The following GAK variants were observed in gnomAD, a reference collection of about 807,000 sequenced individuals.
GAK encodes the protein cyclin-G-associated kinase.
GAK carries 79 observed loss-of-function variants against 143.9 expected under a neutral mutation model. The ratio of observed to expected loss-of-function variants is 0.55; its 90% CI spans 0.46 to 0.66. GAK has a LOEUF of 0.66. Among genes scored for constraint, GAK ranks in the 30% least tolerant of loss-of-function variants. The probability of loss-of-function intolerance (pLI) is 0.00; values close to 1 mark genes in which losing one functional copy is unlikely to be tolerated. For synonymous variants in GAK, 881 were observed against 765.5 expected (o/e 1.15, Z -2.49); for missense variants, 1,693 against 1,779.7 (o/e 0.95, Z 0.88).
At chr4:865,843 C>T (rs938328126) in intron 22 of GAK, among the ~76,000 whole-genome samples, 4 of 152,250 alleles carry the variant, frequency 2.6e-5, no homozygotes, top group East Asian at 3.9e-4. Flanking sequence ...ACTGGAGGGG[C>T]GCGCAGCCCT....
intron 4 of GAK, among the ~76,000 whole-genome samples, chr4:910,378 C>T (rs1450645913): frequency 1.4e-5 from 2 of 138,448 alleles, no homozygotes; most frequent in Admixed American, 7.3e-5. Flanking sequence ...CCACAAAGCA[C>T]GGGATGCCCC....
intron 6 of GAK, among the ~76,000 whole-genome samples, chr4:897,050 G>A (rs879812601): frequency 2.0e-5 from 3 of 152,258 alleles, no homozygotes; most frequent in Non-Finnish European, 2.9e-5. Flanking sequence ...ACTTGCGAGA[G>A]GCAGAGGCTG....
chr4:888,320 C>G (rs1716942148), intron 11 of GAK: 3 of 154,492 alleles, frequency 1.9e-5, no homozygotes, highest in African/African-American at 7.2e-5. Context: ...GGGCCGCACT[C>G]TGGAACATTC....
intron 18 of GAK, among the ~76,000 whole-genome samples, chr4:873,767 G>A (rs1713215876): frequency 6.6e-6 from 1 of 152,206 alleles, no homozygotes. Context: ...GCCTTGCTAG[G>A]TCTTCGTGTG....
chr4:883,335 G>C lies in GAK; in HGVS notation c.1384C>G (p.Pro462Ala). Residue 462 changes from proline (P) to alanine (A), a missense_variant, in exon 13 of 28, where the codon CCC (proline) becomes GCC (alanine). Around this residue, in one of 2 missense-constraint regions of GAK, gnomAD observed 871 missense variants for 991.0 expected, o/e 0.88. Transcript: ENST00000314167. ...VYNLSPRTYR[P>A]SRFHNRVSEC... The stretch of plus-strand genomic sequence containing the variant: ...CACACCCGGTTGTGGAACCTGGAGG[G>C]CCGGTAGGTCCTCGGGGACAGGTTG... 2.5e-6 allele frequency: 4 copies of C among 1,613,482 alleles called. No homozygotes were observed. Among genetic ancestry groups the C allele is most frequent in the South Asian group, 1.1e-5 (1 of 91,078 alleles).
chr4:870,573 C>T lies in GAK; in HGVS notation c.2248+138G>A, dbSNP rs1402096637. 3 of 798,614 alleles carry T rather than the reference C, an allele frequency of 3.8e-6. No individual in the cohort carries two copies. The Admixed American group carries it at 8.8e-5, about 23-fold the overall frequency. The allele number at this position is 798,614 out of a possible 1,614,324, so 49.5% of individuals were successfully genotyped here. A position where few individuals can be genotyped will look rare whatever the true frequency, so the allele number is the denominator to read the frequency against. On this transcript the variant is annotated intron_variant, in intron 19 of 27. Transcript: ENST00000314167. ...TCCACGACGGAGTTTCCAAAACCTC[C>T]TGCAGCCCAAGCTGCTCAGGGCCTG...
intron 1 of GAK, among the ~76,000 whole-genome samples, chr4:923,827 TTATATAAA>T (rs1445094180): frequency 6.6e-6 from 1 of 152,062 alleles, no homozygotes; most frequent in Non-Finnish European, 1.5e-5. Context: ...CTCACATAAA[TTATATAAA>T]TATATAAACA....
intron 23 of GAK, among the ~76,000 whole-genome samples, chr4:861,368 G>A (rs961171328): frequency 6.6e-6 from 1 of 152,166 alleles, no homozygotes; most frequent in Non-Finnish European, 1.5e-5. Flanking sequence ...AGGAAGGAGG[G>A]TGCTTGAGCC....
chr4:893,594 A>C, intron 8 of GAK, 105 bp from the exon 9 acceptor site: 1 of 796,024 alleles, frequency 1.3e-6, no homozygotes, highest in Non-Finnish European at 1.9e-6. Context: ...CCCTCTACAC[A>C]CATCAGTGAC....
chr4:870,140 G>A lies in GAK; in HGVS notation c.2248+571C>T, dbSNP rs1036972989. Among the ~76,000 whole-genome samples, 6 of 152,214 alleles carry A rather than the reference G, an allele frequency of 3.9e-5. No individual in the cohort carries two copies. The South Asian group carries it at 6.2e-4, about 16-fold the overall frequency. ...CCACCCACGGACACATACACAGCAC[G>A]CACAGGTCACACATACAGCCTCTTT... On this transcript the variant is annotated intron_variant, in intron 19 of 27. Transcript: ENST00000314167.
chr4:920,672 T>C (rs1723790780), intron 1 of GAK, among the ~76,000 whole-genome samples: 1 of 150,738 alleles, frequency 6.6e-6, no homozygotes, highest in African/African-American at 2.4e-5. Context: ...GCCTCCCAAG[T>C]AGCTGGGACT....
rs747516678 is a variant in GAK at position 889,002 on chromosome 4, G to C, written c.1082-32C>G. 26 of 1,596,702 alleles carry C rather than the reference G, an allele frequency of 1.6e-5. No individual in the cohort carries two copies. The South Asian group carries it at 2.9e-4, about 18-fold the overall frequency. ...GGAGACACAGTCTCAGCAGGCCCCA[G>C]GTGCTCGGTCCCACCTCCCCAGGTG... is the stretch of plus-strand genomic sequence containing the variant. On this transcript the variant is annotated intron_variant, in intron 10 of 27. Coordinates refer to ENST00000314167, the MANE Select transcript of GAK (RefSeq NM_005255.4).
rs925987885 is a variant in GAK at position 868,623 on chromosome 4, G to C, written c.2311C>G (p.Pro771Ala). The C allele has an allele frequency of 1.3e-5, 20 of 1,579,046 alleles. No homozygotes were observed. The highest frequency in any genetic ancestry group is 1.5e-5 in the Non-Finnish European group (18 of 1,163,190). ...TCAGAGTCTGTGGGTTCGGCTTCCG[G>C]GGACCCTGCCCCAGCATCATACTGA... is the stretch of plus-strand genomic sequence containing the variant. ...TAQYDAGAGS[P>A]EAEPTDSDSP... Residue 771 changes from proline (P) to alanine (A), a missense_variant, in exon 20 of 28, where the codon CCG (proline) becomes GCG (alanine). By Grantham distance (27) the Pro-to-Ala change is conservative (BLOSUM62 -1). This residue lies in a region of GAK where 822 missense variants were observed against 788.7 expected (regional missense o/e 1.04). Transcript: ENST00000314167.
Position 882,724 on chromosome 4 carries a change from G to A in GAK, c.1500C>T (p.His500=), listed in dbSNP as rs765302388. The part of the protein sequence containing the change: ...RNMHAWLRQD[H]KNVCVVHCMD... ...TGCAGTGCACGACGCAGACGTTCTT[G>A]TGGTCCTGCCGCAGCCAGGCGTGCA... Residue 500 remains histidine (H), a synonymous_variant, in exon 14 of 28, where the codon CAC becomes CAT. Transcript: ENST00000314167. 9.9e-6 allele frequency: 16 copies of A among 1,612,580 alleles called. No individual in the cohort carries two copies. In the African/African-American group the frequency reaches 2.0e-4, roughly 20 times the overall value.
intron 9 of GAK, among the ~76,000 whole-genome samples, chr4:890,930 AGTCT>A (rs972521554): frequency 4.0e-5 from 6 of 148,250 alleles, no homozygotes; most frequent in Admixed American, 4.0e-4. Context: ...CTCTCTTCCC[AGTCT>A]GTCCAACCAA....
chr4:877,267 C>A (rs1714135444), intron 16 of GAK, 60 bp from the exon 17 acceptor site: 1 of 1,115,258 alleles, frequency 9.0e-7, no homozygotes, highest in Non-Finnish European at 1.4e-6. Context: ...CAAACAAAAA[C>A]AACAAAAAAC....
At position 851,851 on chromosome 4, in the gene GAK, T is replaced by C. The variant is rs374621415; in HGVS notation, c.3407A>G (p.Lys1136Arg). The stretch of plus-strand genomic sequence containing the variant: ...CTGTGTGCAGGCTTTGGGGGGCGGC[T>C]TGGCCTGAGGGGGCCATGAGGCGCC... ...AQGASWPPQA[K>R]PPPKACTQPR... The change falls in exon 25 of 28, where the codon AAG (lysine) becomes AGG (arginine). Residue 1136 changes from lysine (K) to arginine (R), a missense_variant. Around this residue, in one of 2 missense-constraint regions of GAK, gnomAD observed 822 missense variants for 788.7 expected, o/e 1.04. Transcript: ENST00000314167. The C allele has an allele frequency of 7.8e-5, 126 of 1,608,876 alleles. No homozygotes were observed. The highest frequency in any genetic ancestry group is 6.8e-5 in the Non-Finnish European group (80 of 1,176,924).
intron 11 of GAK, chr4:886,963 G>A (rs370882117): frequency 6.6e-6 from 1 of 152,460 alleles, no homozygotes; most frequent in Non-Finnish European, 1.5e-5. Flanking sequence ...ACAGGTAATG[G>A]AACCACACAG....
At chr4:881,765 A>G in intron 15 of GAK, 142 bp downstream of exon 15, 1 of 1,053,456 alleles carries the variant, frequency 9.5e-7, no homozygotes, top group East Asian at 2.6e-5. Context: ...GGGCTCAGCC[A>G]TGGCTCCGCG....
Sources: gnomAD v4.1 joint callset for allele counts (sites outside exome capture counted in the v4.1 genomes callset) on GRCh38, gnomAD v4.1.1 for gene constraint, gnomAD v4.1.1 regional missense constraint, MANE v1.5 for transcripts, NCBI Gene and HGNC (gene_info 2026-07-23, HGNC 2026-07-21) for gene names.